The following TGFB2 variants were observed in gnomAD, a reference collection of about 807,000 sequenced individuals.
TGFB2 encodes the protein transforming growth factor beta 2.
In TGFB2, 13 loss-of-function variants were observed where a neutral mutation model predicts 42.7. The observed-to-expected ratio is 0.30, with a 90% CI of 0.20 to 0.48. TGFB2 has a LOEUF of 0.48. Among genes scored for constraint, TGFB2 ranks in the 20% least tolerant of loss-of-function variants. The pLI, the probability that TGFB2 is intolerant of heterozygous loss-of-function variation, is 0.99. For synonymous variants in TGFB2, 193 were observed against 193.6 expected (o/e 1.00, Z 0.03); for missense variants, 390 against 517.5 (o/e 0.75, Z 2.39).
At position 218,363,427 on chromosome 1, in the gene TGFB2, C is replaced by T. The variant is rs530694856; in HGVS notation, c.346+16380C>T. ...CTCTGTGGGTACCTTGGTGAGTACA[C>T]TTGTCTGCTTTATTCCTCGTTTGAC... On this transcript the variant is annotated intron_variant, in intron 1 of 6. Coordinates refer to ENST00000366930, the MANE Select transcript of TGFB2 (RefSeq NM_003238.6). 12 of 1,610,848 alleles carry T rather than the reference C, an allele frequency of 7.4e-6. No homozygotes were observed. The South Asian group carries it at 1.2e-4, about 16-fold the overall frequency.
At chr1:218,400,022 A>G (rs936824079) in intron 1 of TGFB2, among the ~76,000 whole-genome samples, 5 of 152,294 alleles carry the variant, frequency 3.3e-5, no homozygotes, top group Admixed American at 2.6e-4. Flanking sequence ...GAAAAGCCAG[A>G]TAATATCCCT....
intron 2 of TGFB2, among the ~76,000 whole-genome samples, chr1:218,422,760 C>T (rs538664066): frequency 1.6e-4 from 24 of 152,274 alleles, no homozygotes; most frequent in East Asian, 3.9e-4. Context: ...CAATGCACTC[C>T]TTTAAGAACA....
At chr1:218,404,644 G>A (rs1222083414) in intron 1 of TGFB2, among the ~76,000 whole-genome samples, 2 of 152,098 alleles carry the variant, frequency 1.3e-5, no homozygotes, top group African/African-American at 4.8e-5. Flanking sequence ...TAGAGAATAT[G>A]TTAAGTCATA....
intron 1 of TGFB2, among the ~76,000 whole-genome samples, chr1:218,386,401 C>G (rs1197168774): frequency 1.3e-5 from 2 of 152,138 alleles, no homozygotes; most frequent in Non-Finnish European, 2.9e-5. Flanking sequence ...GAGATTATGT[C>G]GAAGAAAGCC....
At chr1:218,410,256 T>C (rs1659051669) in intron 2 of TGFB2, among the ~76,000 whole-genome samples, 1 of 152,194 alleles carries the variant, frequency 6.6e-6, no homozygotes, top group Non-Finnish European at 1.5e-5. Flanking sequence ...TGGATGGACG[T>C]AGGATAACAA....
intron 1 of TGFB2, among the ~76,000 whole-genome samples, chr1:218,364,201 C>A (rs890217546): frequency 6.6e-6 from 1 of 152,102 alleles, no homozygotes; most frequent in East Asian, 1.9e-4. Context: ...GGAAATGGAT[C>A]GTCATGGGTC....
chr1:218,423,129 C>T (rs1402437117), intron 2 of TGFB2, among the ~76,000 whole-genome samples: 2 of 152,138 alleles, frequency 1.3e-5, no homozygotes, highest in Admixed American at 6.5e-5. Flanking sequence ...AGAGTGTGTT[C>T]TCTGTGCCTG....
intron 1 of TGFB2, among the ~76,000 whole-genome samples, chr1:218,385,946 A>G (rs1400527840): frequency 2.0e-5 from 3 of 152,058 alleles, no homozygotes; most frequent in African/African-American, 7.2e-5. Context: ...AGAGACTCCC[A>G]TGGTTGCATT....
rs885829 is a variant in TGFB2, at chr1:218,346,474, G to A, written c.-228G>A. On this transcript the variant is annotated 5_prime_UTR_variant, in exon 1 of 7. Coordinates refer to ENST00000366930, the MANE Select transcript of TGFB2 (RefSeq NM_003238.6). This position sits in a 1 kb window ranked among gnomAD's most constrained non-coding sequence, Gnocchi z 4.9. ...AGTCAGGGTTCCCTCTGCCCGTCCC[G>A]TATTAATATTTCCACTTTTGGAACT... 1.3e-5 allele frequency: 6 copies of A among 474,722 alleles called. No homozygotes were observed. The highest frequency in any genetic ancestry group is 1.8e-5 in the Non-Finnish European group (5 of 274,680). The allele number at this position is 474,722 out of a possible 1,614,324, so 29.4% of individuals were successfully genotyped here. A position where few individuals can be genotyped will look rare whatever the true frequency, so the allele number is the denominator to read the frequency against.
chr1:218,371,776 C>A (rs1418952905), intron 1 of TGFB2, among the ~76,000 whole-genome samples: 1 of 152,178 alleles, frequency 6.6e-6, no homozygotes, highest in Non-Finnish European at 1.5e-5. Flanking sequence ...TAGCTGTTTG[C>A]CAGAAGGAGC....
chr1:218,383,727 G>T (rs537252129), intron 1 of TGFB2, among the ~76,000 whole-genome samples: 7 of 152,332 alleles, frequency 4.6e-5, no homozygotes, highest in African/African-American at 1.7e-4. Flanking sequence ...TGCGAGATTT[G>T]ATTATATATC....
intron 2 of TGFB2, among the ~76,000 whole-genome samples, chr1:218,414,191 G>A (rs1400544851): frequency 6.6e-6 from 1 of 151,568 alleles, no homozygotes; most frequent in Non-Finnish European, 1.5e-5. Context: ...TGGGGTTAAT[G>A]AAAATTGCCT....
chr1:218,429,565 A>T (rs1330330596), intron 2 of TGFB2, among the ~76,000 whole-genome samples: 2 of 152,192 alleles, frequency 1.3e-5, no homozygotes, highest in African/African-American at 4.8e-5. Flanking sequence ...TTGATGTATA[A>T]GTATTGCTTG....
chr1:218,420,350 G>C (rs955609325), intron 2 of TGFB2, among the ~76,000 whole-genome samples: 32 of 152,158 alleles, frequency 2.1e-4, no homozygotes, highest in African/African-American at 7.7e-4. Flanking sequence ...GGTCTATACT[G>C]ATGTGGCTTT....
intron 1 of TGFB2, among the ~76,000 whole-genome samples, chr1:218,404,023 T>C (rs1366473440): frequency 6.9e-6 from 1 of 145,016 alleles, no homozygotes; most frequent in African/African-American, 2.6e-5. Flanking sequence ...ATAGCCTCAG[T>C]TGCATATTCA....
chr1:218,419,430 C>T (rs1659385589), intron 2 of TGFB2, among the ~76,000 whole-genome samples: 1 of 152,176 alleles, frequency 6.6e-6, no homozygotes, highest in African/African-American at 2.4e-5. Context: ...CACATCCTAG[C>T]CCCAATGTCT....
At chr1:218,431,672 A>G (rs552079280) in intron 2 of TGFB2, among the ~76,000 whole-genome samples, 11 of 152,388 alleles carry the variant, frequency 7.2e-5, no homozygotes, top group African/African-American at 2.4e-4. Flanking sequence ...GCATTTTGTA[A>G]AAATGCACTG....
intron 1 of TGFB2, among the ~76,000 whole-genome samples, chr1:218,369,194 G>C (rs1211016348): frequency 6.9e-6 from 1 of 144,056 alleles, no homozygotes; most frequent in East Asian, 2.1e-4. Flanking sequence ...GGTGGAGGTT[G>C]CAGTAAGCCG....
At chr1:218,357,577 G>A (rs557634056) in intron 1 of TGFB2, among the ~76,000 whole-genome samples, 7 of 152,296 alleles carry the variant, frequency 4.6e-5, no homozygotes, top group African/African-American at 1.7e-4. Context: ...GCTTGGATTT[G>A]TTACTGCCTG....
Sources: gnomAD v4.1 joint callset for allele counts (sites outside exome capture counted in the v4.1 genomes callset) on GRCh38, gnomAD v4.1.1 for gene constraint, Gnocchi (gnomAD v3.1) non-coding constraint, MANE v1.5 for transcripts, NCBI Gene and HGNC (gene_info 2026-07-23, HGNC 2026-07-21) for gene names.